Variants in INTS1 observed in about 807,000 individuals in gnomAD.
INTS1 encodes the protein integrator complex subunit 1.
Under a neutral mutation model 241.6 loss-of-function variants are expected in INTS1, and 137 were observed. The ratio of observed to expected loss-of-function variants is 0.57; its 90% CI spans 0.49 to 0.65. The LOEUF (loss-of-function observed/expected upper bound fraction) is 0.65. INTS1 is among the 30% of genes least tolerant of loss of function. INTS1 has a pLI of 0.00. For synonymous variants in INTS1, 1,692 were observed against 1,337.8 expected (o/e 1.26, Z -5.78); for missense variants, 3,073 against 3,032.2 (o/e 1.01, Z -0.32).
intron 14 of INTS1, chr7:1,494,563 C>G: frequency 1.8e-6 from 1 of 566,102 alleles, no homozygotes; most frequent in Non-Finnish European, 3.2e-6. Flanking sequence ...AGGCGGGGGT[C>G]CGGGGGAGGC....
Position 1,471,523 on chromosome 7 carries a change from C to G in INTS1, c.6255+48G>C, listed in dbSNP as rs376254974. On this transcript the variant is annotated intron_variant, in intron 45 of 47. Transcript: ENST00000404767. ...GGGGTGGTGGCCCTGCTGGGGTTCC[C>G]CAAGGGAGTGGCTCCTCCCAGCTCT... The G allele has an allele frequency of 6.4e-5, 102 of 1,593,366 alleles. No individual in the cohort carries two copies. The African/African-American group carries it at 1.3e-3, about 20-fold the overall frequency.
intron 16 of INTS1, among the ~76,000 whole-genome samples, chr7:1,490,083 A>G (rs922110706): frequency 1.9e-5 from 2 of 103,050 alleles, no homozygotes; most frequent in African/African-American, 1.2e-4. Context: ...GATCCTGGCT[A>G]TGAGACAGAT....
chr7:1,494,769 C>A (rs1321135403), intron 14 of INTS1, 47 bp downstream of exon 14: 2 of 1,538,068 alleles, frequency 1.3e-6, no homozygotes, highest in South Asian at 2.4e-5. Flanking sequence ...CACCCCGCAG[C>A]CCCGCCCAGC....
intron 16 of INTS1, among the ~76,000 whole-genome samples, 186 bp downstream of exon 16, chr7:1,492,824 C>T (rs916349825): frequency 4.7e-5 from 7 of 148,182 alleles, no homozygotes; most frequent in Non-Finnish European, 7.5e-5. Context: ...GAGTGGGGCG[C>T]GGGCTTACCC....
chr7:1,500,099 T>C, intron 4 of INTS1, 71 bp downstream of exon 4: 1 of 1,589,186 alleles, frequency 6.3e-7, no homozygotes, highest in Admixed American at 1.7e-5. Flanking sequence ...GAGGGACACT[T>C]AAGGGGGAGG....
At chr7:1,486,831 T>C (rs1180597660) in intron 21 of INTS1, 57 bp from the exon 22 acceptor site, 1 of 1,461,860 alleles carries the variant, frequency 6.8e-7, no homozygotes, top group Non-Finnish European at 9.1e-7. Context: ...GGGTAGGACG[T>C]GGGGTGCGCG....
rs927686624 is a variant in INTS1 at position 1,484,236 on chromosome 7, A to C, written c.3262-66T>G. 4 of 1,508,632 alleles carry C rather than the reference A, an allele frequency of 2.7e-6. No homozygotes were observed. The African/African-American group carries it at 5.5e-5, about 21-fold the overall frequency. 93.5% of individuals were successfully genotyped at this position (1,508,632 alleles called of 1,614,324 possible). A position where few individuals can be genotyped will look rare whatever the true frequency, so the allele number is the denominator to read the frequency against. ...CTCTGCTCTCCGGCCAGCTGGGGTG[A>C]CCTCGTCGCAGGCACGCTCTCACTG... On this transcript the variant is annotated intron_variant, in intron 24 of 47. Transcript: ENST00000404767.
At chr7:1,474,998 G>T (rs1455850442) in intron 39 of INTS1, among the ~76,000 whole-genome samples, 160 bp from the exon 40 acceptor site, 1 of 152,262 alleles carries the variant, frequency 6.6e-6, no homozygotes, top group African/African-American at 2.4e-5. Context: ...GGGAGGGCAG[G>T]CAGGCCACAG....
Position 1,493,004 on chromosome 7 carries a change from G to A in INTS1, c.2165+6C>T, listed in dbSNP as rs1782655244. 6.2e-7 allele frequency: 1 copy of A among 1,610,290 alleles called. No homozygotes were observed. The highest frequency in any genetic ancestry group is 8.5e-7 in the Non-Finnish European group (1 of 1,177,274). On this transcript the variant is annotated splice_donor_region_variant and intron_variant, in intron 16 of 47. Coordinates refer to ENST00000404767, the MANE Select transcript of INTS1 (RefSeq NM_001080453.3). The surrounding 1 kb of genome is among the most constrained non-coding windows in gnomAD (Gnocchi z 5.3). ...GGCGGGAGTGGGGAGCGGGGCGTGG[G>A]CTTACCCCGGTGGGAGCTGGATGTT...
rs377280269 is a variant in INTS1 at position 1,484,202 on chromosome 7, C to G, written c.3262-32G>C. 4 of 1,587,400 alleles carry G rather than the reference C, an allele frequency of 2.5e-6. No individual in the cohort carries two copies. The African/African-American group carries it at 5.4e-5, about 21-fold the overall frequency. On this transcript the variant is annotated intron_variant, in intron 24 of 47. Coordinates refer to ENST00000404767, the MANE Select transcript of INTS1 (RefSeq NM_001080453.3). ...TGTGGACAGGGGGGCGTCAGAGGCT[C>G]CGAGACAGCTCTGCTCTCCGGCCAG...
chr7:1,490,941 C>CA (rs1318414326), intron 16 of INTS1, among the ~76,000 whole-genome samples: 1 of 152,226 alleles, frequency 6.6e-6, no homozygotes, highest in Non-Finnish European at 1.5e-5. Context: ...GGTCAACCCT[C>CA]AAACTTGGGC....
In INTS1 at chr7:1,497,888, A is replaced by AC. The variant is rs1471828369; in HGVS notation, c.1425+523dup. On this transcript the variant is annotated intron_variant, in intron 10 of 47. Coordinates refer to ENST00000404767, the MANE Select transcript of INTS1 (RefSeq NM_001080453.3). The surrounding 1 kb of genome is among the most constrained non-coding windows in gnomAD (Gnocchi z 5.3). ...GGGTCCTACAGCCAGGGCTACAGGG[A>AC]CCCCTGCTTAACCGAGGGACCCAAT... Among the ~76,000 whole-genome samples the AC allele has an allele frequency of 6.6e-6, 1 of 151,996 alleles. No individual in the cohort carries two copies. The highest frequency in any genetic ancestry group is 2.4e-5 in the African/African-American group (1 of 41,358).
chr7:1,503,846 A>G, intron 2 of INTS1, 57 bp downstream of exon 2: 2 of 1,226,590 alleles, frequency 1.6e-6, no homozygotes, highest in Non-Finnish European at 2.3e-6. Flanking sequence ...GAGATCCCCA[A>G]AGACCCCCAA....
intron 29 of INTS1, 43 bp from the exon 30 acceptor site, chr7:1,480,484 C>A: frequency 6.3e-7 from 1 of 1,596,588 alleles, no homozygotes; most frequent in Non-Finnish European, 8.5e-7. Flanking sequence ...CACTTTCTGA[C>A]CTGCTTCCAG....
intron 16 of INTS1, 42 bp downstream of exon 16, chr7:1,492,968 G>A (rs765573665): frequency 1.9e-5 from 29 of 1,497,858 alleles, no homozygotes; most frequent in East Asian, 2.3e-5. Context: ...AGCGGGGCGC[G>A]GGCTTACCCG....
rs756211433 is a variant in INTS1 at position 1,493,109 on chromosome 7, A to G, written c.2069-3T>C. 1.2e-6 allele frequency: 2 copies of G among 1,612,236 alleles called. No homozygotes were observed. Among genetic ancestry groups the G allele is most frequent in the South Asian group, 2.2e-5 (2 of 91,036 alleles). ...CCCCACCTTCAGCACCTCCACATCT[A>G]AGACCAAGAGCCACACATGGGTTCT... is the stretch of plus-strand genomic sequence containing the variant. On this transcript the variant is annotated splice_region_variant and splice_polypyrimidine_tract_variant and intron_variant, in intron 15 of 47. Transcript: ENST00000404767. The surrounding 1 kb of genome is among the most constrained non-coding windows in gnomAD (Gnocchi z 5.3).
intron 31 of INTS1, among the ~76,000 whole-genome samples, chr7:1,479,115 G>A (rs778784046): frequency 6.6e-6 from 1 of 152,218 alleles, no homozygotes; most frequent in African/African-American, 2.4e-5. Context: ...GCTCCCACGC[G>A]GTTCAAAGGA....
In INTS1 at chr7:1,487,900, C is replaced by T. The variant is rs773599270; in HGVS notation, c.2376G>A (p.Leu792=). Reference sequence around the variant, plus strand: ...GCTGGGCGGTCTGCAGCTCACGGTTCAGCATCTCCGTCCGGGTCTCCTCAT... The same window carrying T: ...GCTGGGCGGTCTGCAGCTCACGGTTTAGCATCTCCGTCCGGGTCTCCTCAT... The part of the protein sequence containing the change: ...LTDEETRTEM[L]NRELQTAQRE... The change falls in exon 19 of 48, where the codon CTG becomes CTA. Residue 792 remains leucine (L), a synonymous_variant. Coordinates refer to ENST00000404767, the MANE Select transcript of INTS1 (RefSeq NM_001080453.3). 3.1e-6 allele frequency: 5 copies of T among 1,613,536 alleles called. No homozygotes were observed. The Admixed American group carries it at 8.3e-5, about 27-fold the overall frequency.
At position 1,493,017 on chromosome 7, in the gene INTS1, G is replaced by A; in HGVS notation, c.2158C>T (p.Pro720Ser). The A allele has an allele frequency of 6.2e-7, 1 of 1,612,628 alleles. No homozygotes were observed. Among genetic ancestry groups the A allele is most frequent in the Non-Finnish European group, 8.5e-7 (1 of 1,179,060 alleles). ...TYHHPENIQL[P>S]PGYQPPNLAI... is the part of the protein sequence containing the mutation. ...AGCGGGGCGTGGGCTTACCCCGGTGGGAGCTGGATGTTTTCAGGGTGATGG... is the reference window on the plus strand; with the variant it reads ...AGCGGGGCGTGGGCTTACCCCGGTGAGAGCTGGATGTTTTCAGGGTGATGG... The change falls in exon 16 of 48, where the codon CCA becomes TCA. Residue 720 changes from proline (P) to serine (S), a missense_variant. Transcript: ENST00000404767. The surrounding 1 kb of genome is among the most constrained non-coding windows in gnomAD (Gnocchi z 5.3).
Sources: gnomAD v4.1 joint callset for allele counts (sites outside exome capture counted in the v4.1 genomes callset) on GRCh38, gnomAD v4.1.1 for gene constraint, Gnocchi (gnomAD v3.1) non-coding constraint, MANE v1.5 for transcripts, NCBI Gene and HGNC (gene_info 2026-07-23, HGNC 2026-07-21) for gene names.